The following NFAM1 variants were observed in gnomAD, a reference collection of about 807,000 sequenced individuals.
The protein encoded by NFAM1 is NFAT activation molecule 1.
In NFAM1, 17 loss-of-function variants were observed where a neutral mutation model predicts 29.0. The ratio of observed to expected loss-of-function variants is 0.59; its 90% CI spans 0.40 to 0.88. The LOEUF (loss-of-function observed/expected upper bound fraction) is 0.88. Among genes scored for constraint, NFAM1 ranks in the 40% least tolerant of loss-of-function variants. The pLI is 0.00. For synonymous variants in NFAM1, 175 were observed against 147.2 expected (o/e 1.19, Z -1.36); for missense variants, 324 against 344.6 (o/e 0.94, Z 0.47).
At chr22:42,434,997 A>G (rs893819737), upstream of NFAM1, among the ~76,000 whole-genome samples, 2 of 152,360 alleles carry the variant, frequency 1.3e-5, no homozygotes. Flanking sequence ...CTCCCTGGGA[A>G]GCCTAGGGGC....
At chr22:42,398,028 G>T (rs1008779493) in intron 3 of NFAM1, 72 bp from the exon 4 acceptor site, 1 of 765,012 alleles carries the variant, frequency 1.3e-6, no homozygotes, top group Non-Finnish European at 2.2e-6. Flanking sequence ...CCCCCCAGGG[G>T]AAAGGATGGC....
chr22:42,387,147 G>T (rs1386299751), intron 4 of NFAM1, 69 bp from the exon 5 acceptor site: 1 of 910,528 alleles, frequency 1.1e-6, no homozygotes, highest in Non-Finnish European at 1.7e-6. Context: ...CCAGCAGCCA[G>T]CCCCCTGCCT....
chr22:42,412,147 G>A (rs534670033), intron 1 of NFAM1, among the ~76,000 whole-genome samples: 4 of 152,032 alleles, frequency 2.6e-5, no homozygotes, highest in Non-Finnish European at 2.9e-5. Flanking sequence ...CAGGAGAATC[G>A]CTTGAACCTG....
rs1035210700 is a variant in NFAM1, at chr22:42,382,421, G to A, written c.*2740C>T. The A allele has an allele frequency of 6.6e-6, 1 of 152,102 alleles. No individual in the cohort carries two copies. Among genetic ancestry groups the A allele is most frequent in the Non-Finnish European group, 1.5e-5 (1 of 68,028 alleles). 9.4% of individuals were successfully genotyped at this position (152,102 alleles called of 1,614,324 possible). A position where few individuals can be genotyped will look rare whatever the true frequency, so the allele number is the denominator to read the frequency against. ...GCCAGTGACTTGCCCAAGTCCACAAGGCTGTGGGAGGTGGAGCAGGGATTC... is the reference window on the plus strand; with the variant it reads ...GCCAGTGACTTGCCCAAGTCCACAAAGCTGTGGGAGGTGGAGCAGGGATTC... On this transcript the variant is annotated 3_prime_UTR_variant, in exon 6 of 6. Coordinates refer to ENST00000329021, the MANE Select transcript of NFAM1 (RefSeq NM_145912.8).
In NFAM1 at chr22:42,411,564, G is replaced by A. The variant is rs774670083; in HGVS notation, c.294C>T (p.Asn98=). The part of the protein sequence containing the change: ...QGQRSPKKPT[N]CHPGLGTENQ... ...TCTCTGTGCCCAGTCCAGGGTGGCA[G>A]TTTGTTGGCTTCTTAGGGCTCCTCT... is the stretch of plus-strand genomic sequence containing the variant. Residue 98 remains asparagine (N), a synonymous_variant, in exon 2 of 6, where the codon AAC becomes AAT. Transcript: ENST00000329021. 6.2e-7 allele frequency: 1 copy of A among 1,614,274 alleles called. No homozygotes were observed. Among genetic ancestry groups the A allele is most frequent in the Admixed American group, 1.7e-5 (1 of 60,034 alleles).
intron 1 of NFAM1, among the ~76,000 whole-genome samples, chr22:42,429,339 G>T (rs1930722105): frequency 6.6e-6 from 1 of 152,230 alleles, no homozygotes; most frequent in Non-Finnish European, 1.5e-5. Context: ...AACTGGGCCG[G>T]GTGCGGTGGC....
In NFAM1 at chr22:42,411,431, T is replaced by C. The variant is rs768673933; in HGVS notation, c.427A>G (p.Ser143Gly). ...VHWPHSTVRG[S>G]GTFILVRDAG... ...CCTCTGACCAGGATGAAGGTGCCGC[T>C]GCCTCTCACCGTGGAGTGTGGCCAG... The change falls in exon 2 of 6, where the codon AGC becomes GGC. Residue 143 changes from serine to glycine, a missense_variant. By Grantham distance (56) the Ser-to-Gly change is moderately conservative. Transcript: ENST00000329021. 3.1e-6 allele frequency: 5 copies of C among 1,613,848 alleles called. No homozygotes were observed. In the South Asian group the frequency reaches 5.5e-5, roughly 18 times the overall value.
intron 1 of NFAM1, among the ~76,000 whole-genome samples, chr22:42,414,761 A>G (rs1401894660): frequency 1.3e-5 from 2 of 151,820 alleles, no homozygotes; most frequent in Non-Finnish European, 2.9e-5. Context: ...CTCACAGTGT[A>G]TCTAAGAGGC....
chr22:42,421,189 G>A (rs995394927), intron 1 of NFAM1, among the ~76,000 whole-genome samples: 23 of 133,994 alleles, frequency 1.7e-4, no homozygotes, highest in African/African-American at 6.3e-4. Context: ...AGTGGCTCAC[G>A]CCTGTAATCC....
chr22:42,404,144 G>C (rs771743605), intron 3 of NFAM1, among the ~76,000 whole-genome samples: 1 of 152,006 alleles, frequency 6.6e-6, no homozygotes, highest in Non-Finnish European at 1.5e-5. Flanking sequence ...TGTGAGCTCC[G>C]TGCCCTCCCT....
chr22:42,433,045 G>A (rs926147382), upstream of NFAM1, among the ~76,000 whole-genome samples: 32 of 152,136 alleles, frequency 2.1e-4, 1 homozygote, highest in Non-Finnish European at 7.4e-5. Context: ...TAGCTCACTC[G>A]GCCTCCCAAC....
intron 1 of NFAM1, among the ~76,000 whole-genome samples, chr22:42,420,200 G>A (rs1282929839): frequency 6.6e-6 from 1 of 151,596 alleles, no homozygotes; most frequent in Admixed American, 6.6e-5. Context: ...AGTAGAGGTG[G>A]GGTTTCACCA....
At position 42,419,985 on chromosome 22, in the gene NFAM1, T is replaced by C. The variant is rs1012696010; in HGVS notation, c.122-8249A>G. Among the ~76,000 whole-genome samples the C allele has an allele frequency of 2.4e-5, 2 of 82,406 alleles. No individual in the cohort carries two copies. The highest frequency in any genetic ancestry group is 1.1e-4 in the African/African-American group (2 of 17,516). The allele number at this position is 82,406 out of a possible 152,430, so 54.1% of individuals were successfully genotyped here. ...GGTCCCTTTGAGTCTGTAATCCCAC[T>C]CTTGGTTTTTTTTTTTTTTTTTTTT... is the stretch of plus-strand genomic sequence containing the variant. On this transcript the variant is annotated intron_variant, in intron 1 of 5. Coordinates refer to ENST00000329021, the MANE Select transcript of NFAM1 (RefSeq NM_145912.8). The surrounding 1 kb of genome is among the most constrained non-coding windows in gnomAD (Gnocchi z 4.5).
chr22:42,412,008 C>T (rs1396716010), intron 1 of NFAM1, among the ~76,000 whole-genome samples: 1 of 151,920 alleles, frequency 6.6e-6, no homozygotes, highest in African/African-American at 2.4e-5. Flanking sequence ...TAAGGTGGGC[C>T]GATCACCTGA....
intron 1 of NFAM1, among the ~76,000 whole-genome samples, chr22:42,422,549 G>A (rs747756990): frequency 6.6e-5 from 10 of 152,082 alleles, no homozygotes; most frequent in Non-Finnish European, 1.2e-4. Flanking sequence ...AGGGTGAGCC[G>A]AGACCGCGCC....
At chr22:42,393,391 A>G (rs1240261082) in intron 4 of NFAM1, among the ~76,000 whole-genome samples, 1 of 151,410 alleles carries the variant, frequency 6.6e-6, no homozygotes, top group Non-Finnish European at 1.5e-5. Context: ...GAAAAAAATT[A>G]TTTATTTATT....
At chr22:42,395,462 G>A (rs980931264) in intron 4 of NFAM1, among the ~76,000 whole-genome samples, 2 of 149,038 alleles carry the variant, frequency 1.3e-5, no homozygotes, top group Non-Finnish European at 3.0e-5. Context: ...GGCGACAAAA[G>A]CAAGACTCTG....
chr22:42,385,252 G>A (rs746761028), intron 5 of NFAM1, 32 bp from the exon 6 acceptor site: 104 of 1,409,310 alleles, frequency 7.4e-5, no homozygotes, highest in Middle Eastern at 1.8e-4. Context: ...GAGGGAAGGA[G>A]AGAAAGAGAG....
chr22:42,395,920 G>T (rs1039416483), intron 4 of NFAM1, among the ~76,000 whole-genome samples: 1 of 148,900 alleles, frequency 6.7e-6, no homozygotes, highest in African/African-American at 2.5e-5. Context: ...GAAAAGTAAA[G>T]AAAGTGAAAA....
Sources: gnomAD v4.1 joint callset for allele counts (sites outside exome capture counted in the v4.1 genomes callset) on GRCh38, gnomAD v4.1.1 for gene constraint, Gnocchi (gnomAD v3.1) non-coding constraint, MANE v1.5 for transcripts, NCBI Gene and HGNC (gene_info 2026-07-23, HGNC 2026-07-21) for gene names.